Variants in SH3KBP1 observed in about 807,000 individuals in gnomAD.
SH3KBP1 encodes SH3 domain-containing kinase-binding protein 1.
A neutral mutation model predicts 50.1 loss-of-function variants in SH3KBP1; 8 were observed. The ratio of observed to expected loss-of-function variants is 0.16; its 90% confidence interval spans 0.09 to 0.29. SH3KBP1 has a LOEUF of 0.29. Ranked by LOEUF, SH3KBP1 falls within the 10% of genes least tolerant of loss-of-function variation. The pLI is 1.00. For missense variants in SH3KBP1, 377 were observed against 535.2 expected (o/e 0.70, Z 2.92); for synonymous variants, 227 against 218.6 (o/e 1.04, Z -0.34).
intron 6 of SH3KBP1, among the ~76,000 whole-genome samples, chrX:19,681,533 T>C (rs1023744871): frequency 4.5e-5 from 5 of 112,048 alleles, no homozygotes; most frequent in African/African-American, 1.6e-4. Flanking sequence ...AATAAATCTG[T>C]TAGAAGATGG....
chrX:19,821,811 G>A (rs111605901), intron 2 of SH3KBP1, among the ~76,000 whole-genome samples: 2,805 of 112,149 alleles, frequency 0.025, 87 homozygotes, highest in African/African-American at 0.086. Flanking sequence ...TTACCGGCGT[G>A]AGCCACCGTG....
chrX:19,703,145 C>T (rs1487895763), intron 4 of SH3KBP1, among the ~76,000 whole-genome samples: 1 of 111,942 alleles, frequency 8.9e-6, no homozygotes, highest in African/African-American at 3.2e-5. Flanking sequence ...TAGACTCGCT[C>T]CTGCCAGGTG....
At position 19,776,532 on chromosome X, in the gene SH3KBP1, G is replaced by GTTTTTGTTT. The variant is rs1175802634; in HGVS notation, c.163-30092_163-30091insAAACAAAAA. 5.5e-4 allele frequency among the ~76,000 whole-genome samples: 14 copies of GTTTTTGTTT among 25,683 alleles called. 1 individual carries two copies. The highest frequency in any genetic ancestry group is 2.2e-3 in the African/African-American group (13 of 5,941). 22.3% of individuals were successfully genotyped at this position (25,683 alleles called of 115,157 possible). A position where few individuals can be genotyped will look rare whatever the true frequency, so the allele number is the denominator to read the frequency against. On this transcript the variant is annotated intron_variant, in intron 2 of 17. Transcript: ENST00000397821. ...ATTCTAAATCTAGCTTGACAACCTG[G>GTTTTTGTTT]TTTTTTTTTTTTTTTTTTTTTTTTT...
chrX:19,822,284 T>C (rs904830238), intron 2 of SH3KBP1, among the ~76,000 whole-genome samples: 1 of 112,129 alleles, frequency 8.9e-6, no homozygotes, highest in Non-Finnish European at 1.9e-5. Flanking sequence ...TTTCTCCTTC[T>C]GGAATTCTGA....
chrX:19,725,466 G>A (rs2064193592), intron 3 of SH3KBP1, among the ~76,000 whole-genome samples: 1 of 110,164 alleles, frequency 9.1e-6, no homozygotes, highest in African/African-American at 3.3e-5. Context: ...GTGAGACCCT[G>A]TCTCAAAAAA....
intron 2 of SH3KBP1, among the ~76,000 whole-genome samples, chrX:19,831,417 AAAAAAAAAAAAAG>A (rs2067880839): frequency 9.3e-6 from 1 of 107,283 alleles, no homozygotes; most frequent in Non-Finnish European, 1.9e-5. Context: ...CATCTCAAAA[AAAAAAAAAAAAAG>A]AAAAGAAAAT....
chrX:19,611,488 G>A (rs1362341909), intron 8 of SH3KBP1, among the ~76,000 whole-genome samples: 1 of 111,555 alleles, frequency 9.0e-6, no homozygotes, highest in Non-Finnish European at 1.9e-5. Context: ...CAAGTAGCTG[G>A]GATTACAGGC....
At position 19,659,508 on chromosome X, in the gene SH3KBP1, C is replaced by T. The variant is rs768961051; in HGVS notation, c.727-14033G>A. Among the ~76,000 whole-genome samples the T allele has an allele frequency of 5.4e-5, 6 of 111,088 alleles. No individual in the cohort carries two copies. In the East Asian group the frequency reaches 8.4e-4, roughly 16 times the overall value. ...CCAACTCCTGGGCTTAAACAAGAGA[C>T]CTTCCCACCTCGGCCTCCCAAAGTG... is the stretch of plus-strand genomic sequence containing the variant. On this transcript the variant is annotated intron_variant, in intron 6 of 17. Coordinates refer to ENST00000397821, the MANE Select transcript of SH3KBP1 (RefSeq NM_031892.3).
chrX:19,701,937 T>G (rs1486603975), intron 4 of SH3KBP1, among the ~76,000 whole-genome samples: 1 of 112,349 alleles, frequency 8.9e-6, no homozygotes, highest in Non-Finnish European at 1.9e-5. Context: ...CTGTTTTGCA[T>G]GCTGATGATT....
At chrX:19,819,208 T>C (rs990215133) in intron 2 of SH3KBP1, among the ~76,000 whole-genome samples, 4 of 112,387 alleles carry the variant, frequency 3.6e-5, no homozygotes, top group Non-Finnish European at 7.5e-5. Flanking sequence ...TAATTTAGTA[T>C]TCGCTTATTG....
chrX:19,767,800 T>C (rs2065667527), intron 2 of SH3KBP1, among the ~76,000 whole-genome samples: 1 of 111,288 alleles, frequency 9.0e-6, no homozygotes, highest in Non-Finnish European at 1.9e-5. Flanking sequence ...GCTGGGAAGC[T>C]GCGATAATTA....
intron 5 of SH3KBP1, among the ~76,000 whole-genome samples, chrX:19,692,081 G>A (rs1352267827): frequency 9.0e-6 from 1 of 111,608 alleles, no homozygotes; most frequent in Non-Finnish European, 1.9e-5. Flanking sequence ...GGTTTCATAA[G>A]TTCTGAAAAT....
chrX:19,831,517 T>C (rs1289590782), intron 2 of SH3KBP1, among the ~76,000 whole-genome samples: 1 of 101,542 alleles, frequency 9.8e-6, no homozygotes, highest in Non-Finnish European at 2.0e-5. Flanking sequence ...CCTGACCGGG[T>C]GTGGTGGCTC....
intron 3 of SH3KBP1, among the ~76,000 whole-genome samples, chrX:19,744,407 T>C (rs1312685736): frequency 8.9e-6 from 1 of 112,144 alleles, no homozygotes; most frequent in Admixed American, 9.4e-5. Flanking sequence ...AGAATACTGG[T>C]AGTCTTGACT....
chrX:19,702,024 G>A lies in SH3KBP1; in HGVS notation c.390+4857C>T, dbSNP rs761165822. The stretch of plus-strand genomic sequence containing the variant: ...AATGTTTTACCATCTCTGCACATTA[G>A]GAAATCAGAGGTTTTCACCTCAAAG... On this transcript the variant is annotated intron_variant, in intron 4 of 17. Transcript: ENST00000397821. Among the ~76,000 whole-genome samples, 94 of 112,106 alleles carry A rather than the reference G, an allele frequency of 8.4e-4. 5 individuals carry two copies. Among genetic ancestry groups the A allele is most frequent in the Non-Finnish European group, 2.3e-4 (12 of 53,178 alleles).
At chrX:19,684,096 C>A in intron 5 of SH3KBP1, 68 bp from the exon 6 acceptor site, 1 of 926,021 alleles carries the variant, frequency 1.1e-6, no homozygotes, top group Non-Finnish European at 1.5e-6. Flanking sequence ...AAGAACTTCA[C>A]AACCAGCCAG....
intron 3 of SH3KBP1, among the ~76,000 whole-genome samples, chrX:19,707,830 GAGAC>G (rs56755263): frequency 0.028 from 3,003 of 107,375 alleles, 70 homozygotes; most frequent in East Asian, 0.053. Flanking sequence ...GGGTGAGGGT[GAGAC>G]AGACAGACAG....
chrX:19,647,516 G>A (rs2062016118), intron 6 of SH3KBP1, among the ~76,000 whole-genome samples: 1 of 111,785 alleles, frequency 8.9e-6, no homozygotes, highest in African/African-American at 3.3e-5. Flanking sequence ...GGCTCACTGT[G>A]GTTTGTTTCC....
chrX:19,723,443 G>C (rs992962022), intron 3 of SH3KBP1, among the ~76,000 whole-genome samples: 58 of 112,092 alleles, frequency 5.2e-4, no homozygotes, highest in African/African-American at 1.9e-3. Flanking sequence ...TACAAAAATT[G>C]CAATATAGCC....
Sources: gnomAD v4.1 joint callset for allele counts (sites outside exome capture counted in the v4.1 genomes callset) on GRCh38, gnomAD v4.1.1 for gene constraint, MANE v1.5 for transcripts, NCBI Gene and HGNC (gene_info 2026-07-23, HGNC 2026-07-21) for gene names.